PLG: variants seen among roughly 807,000 people sequenced by gnomAD.
PLG encodes plasminogen.
In PLG, 41 loss-of-function variants were observed where a neutral mutation model predicts 104.4. That is an observed-to-expected ratio of 0.39 (90% CI 0.31 to 0.51). The LOEUF (loss-of-function observed/expected upper bound fraction) is 0.51, where lower values mean the gene tolerates loss of function less well. Among genes scored for constraint, PLG ranks in the 20% least tolerant of loss-of-function variants. The pLI is 0.76. For synonymous variants in PLG, 337 were observed against 357.1 expected (o/e 0.94, Z 0.63); for missense variants, 891 against 1,003.6 (o/e 0.89, Z 1.52).
In PLG at chr6:160,736,556, T is replaced by G. The variant is rs1280174560; in HGVS notation, c.1682-331T>G. Among the ~76,000 whole-genome samples, 2 of 152,224 alleles carry G rather than the reference T, an allele frequency of 1.3e-5. No individual in the cohort carries two copies. The highest frequency in any genetic ancestry group is 4.8e-5 in the African/African-American group (2 of 41,470). On this transcript the variant is annotated intron_variant, in intron 13 of 18. Coordinates refer to ENST00000308192, the MANE Select transcript of PLG (RefSeq NM_000301.5). This position sits in a 1 kb window ranked among gnomAD's most constrained non-coding sequence, Gnocchi z 5.2. ...GGCATCATGTTCTAAACATACTGCA[T>G]GGAGTCAGAATAACAATGACAAATA...
chr6:160,721,830 G>C (rs1418404275), intron 9 of PLG, among the ~76,000 whole-genome samples: 1 of 152,148 alleles, frequency 6.6e-6, no homozygotes, highest in Non-Finnish European at 1.5e-5. Context: ...GTAGGCTTCT[G>C]CTTCATTGCA....
intron 17 of PLG, among the ~76,000 whole-genome samples, chr6:160,751,154 G>A (rs755150436): frequency 1.3e-5 from 2 of 152,176 alleles, no homozygotes; most frequent in African/African-American, 4.8e-5. Context: ...ATTTGGCAAC[G>A]TTATTGGGAG....
chr6:160,717,077 A>G (rs773905631), intron 7 of PLG, among the ~76,000 whole-genome samples: 15 of 152,158 alleles, frequency 9.9e-5, no homozygotes, highest in Admixed American at 6.5e-4. Flanking sequence ...AATCAGACCC[A>G]TGCTCTCTGA....
chr6:160,726,321 A>C lies in PLG; in HGVS notation c.1256+3754A>C, dbSNP rs1354507927. Among the ~76,000 whole-genome samples the C allele has an allele frequency of 1.3e-5, 2 of 152,078 alleles. No homozygotes were observed. The highest frequency in any genetic ancestry group is 1.5e-5 in the Non-Finnish European group (1 of 67,940). On this transcript the variant is annotated intron_variant, in intron 10 of 18. Coordinates refer to ENST00000308192, the MANE Select transcript of PLG (RefSeq NM_000301.5). This position sits in a 1 kb window ranked among gnomAD's most constrained non-coding sequence, Gnocchi z 4.4. ...AAATTATCAAATATCTGAAAATGAA[A>C]CAACACATTTCCAAATACTTCATAA...
intron 10 of PLG, 133 bp from the exon 11 acceptor site, chr6:160,730,914 TACAA>T: frequency 1.2e-6 from 1 of 813,796 alleles, no homozygotes; most frequent in African/African-American, 1.7e-5. Context: ...TTTTGTTTGT[TACAA>T]CATTATTGTA....
rs772753312 is a variant in PLG, at chr6:160,738,651, A to C, written c.1877+39A>C. 6.1e-6 allele frequency: 8 copies of C among 1,307,316 alleles called. No individual in the cohort carries two copies. The highest frequency in any genetic ancestry group is 7.8e-6 in the Non-Finnish European group (7 of 899,814). 81.0% of individuals were successfully genotyped at this position (1,307,316 alleles called of 1,614,324 possible). On this transcript the variant is annotated intron_variant, in intron 15 of 18. Coordinates refer to ENST00000308192, the MANE Select transcript of PLG (RefSeq NM_000301.5). The surrounding 1 kb of genome is among the most constrained non-coding windows in gnomAD (Gnocchi z 6.8). ...ACAATTGACATGAAGTCTTGTCTTAAATACTTTTTCTGTCCTTCTTTTCCT... is the reference window on the plus strand; with the variant it reads ...ACAATTGACATGAAGTCTTGTCTTACATACTTTTTCTGTCCTTCTTTTCCT...
rs1038592691 is a variant in PLG, at chr6:160,719,356, T to G, written c.1096+518T>G. Among the ~76,000 whole-genome samples the G allele has an allele frequency of 2.0e-5, 3 of 152,222 alleles. No individual in the cohort carries two copies. The highest frequency in any genetic ancestry group is 7.2e-5 in the African/African-American group (3 of 41,454). ...GTTTCTTCTTATCTCTGGGAATATTTCTTCTTCTGAAGTTCTGAACTCTCT... is the reference window on the plus strand; with the variant it reads ...GTTTCTTCTTATCTCTGGGAATATTGCTTCTTCTGAAGTTCTGAACTCTCT... On this transcript the variant is annotated intron_variant, in intron 9 of 18. Coordinates refer to ENST00000308192, the MANE Select transcript of PLG (RefSeq NM_000301.5). The surrounding 1 kb of genome is among the most constrained non-coding windows in gnomAD (Gnocchi z 4.1).
Position 160,735,969 on chromosome 6 carries a change from T to C in PLG, c.1682-918T>C, listed in dbSNP as rs1239345439. 6.6e-6 allele frequency among the ~76,000 whole-genome samples: 1 copy of C among 152,224 alleles called. No individual in the cohort carries two copies. Among genetic ancestry groups the C allele is most frequent in the East Asian group, 1.9e-4 (1 of 5,194 alleles). On this transcript the variant is annotated intron_variant, in intron 13 of 18. Coordinates refer to ENST00000308192, the MANE Select transcript of PLG (RefSeq NM_000301.5). This position sits in a 1 kb window ranked among gnomAD's most constrained non-coding sequence, Gnocchi z 5.4. ...TGTAAAGTTATTTGGAAAACCCAGG[T>C]TCCAGATTCACTAGAGCATAGAATC...
chr6:160,741,262 C>T lies in PLG; in HGVS notation c.2019-49C>T. 1.6e-6 allele frequency: 2 copies of T among 1,265,810 alleles called. No homozygotes were observed. Among genetic ancestry groups the T allele is most frequent in the Non-Finnish European group, 2.3e-6 (2 of 862,732 alleles). 78.4% of individuals were successfully genotyped at this position (1,265,810 alleles called of 1,614,324 possible). A position where few individuals can be genotyped will look rare whatever the true frequency, so the allele number is the denominator to read the frequency against. ...CAGGGATGACTGGTTGTGGGTACTG[C>T]AGCTGCGAGCAGAGCAGTCAAACAT... On this transcript the variant is annotated intron_variant, in intron 16 of 18. Transcript: ENST00000308192. The surrounding 1 kb of genome is among the most constrained non-coding windows in gnomAD (Gnocchi z 4.7).
chr6:160,715,022 G>C (rs887951552), intron 6 of PLG, 108 bp downstream of exon 6: 1 of 1,136,926 alleles, frequency 8.8e-7, no homozygotes, highest in Admixed American at 1.9e-5. Flanking sequence ...GTGAACGCCT[G>C]ATGTTTTTAA....
At chr6:160,729,240 G>A (rs1212321187) in intron 10 of PLG, among the ~76,000 whole-genome samples, 17 of 152,188 alleles carry the variant, frequency 1.1e-4, no homozygotes, top group Admixed American at 1.1e-3. Context: ...TCATTAAGAA[G>A]ACACAACAAT....
In PLG at chr6:160,741,374, T is replaced by C. The variant is rs4252170; in HGVS notation, c.2082T>C (p.Ala694=). 0.077 allele frequency: 124,238 copies of C among 1,612,254 alleles called. 5,221 individuals carry two copies. The highest frequency in any genetic ancestry group is 0.11 in the East Asian group (4,987 of 44,858). The change falls in exon 17 of 19, where the codon GCT becomes GCC. Residue 694 remains alanine (A), a synonymous_variant. Coordinates refer to ENST00000308192, the MANE Select transcript of PLG (RefSeq NM_000301.5). The surrounding 1 kb of genome is among the most constrained non-coding windows in gnomAD (Gnocchi z 4.7). ...ACLPSPNYVV[A]DRTECFITGW... Reference sequence around the variant, plus strand: ...TGCCATCCCCAAATTATGTGGTCGCTGACCGGACCGAATGTTTCATCACTG... The same window carrying C: ...TGCCATCCCCAAATTATGTGGTCGCCGACCGGACCGAATGTTTCATCACTG...
At chr6:160,718,250 C>CA (rs1777774325) in intron 7 of PLG, 44 bp from the exon 8 acceptor site, 3 of 1,567,480 alleles carry the variant, frequency 1.9e-6, no homozygotes, top group East Asian at 2.2e-5. Context: ...GACTCCGTCT[C>CA]AAAAAATATA....
chr6:160,714,452 T>C (rs951826724), intron 5 of PLG, among the ~76,000 whole-genome samples: 2 of 147,892 alleles, frequency 1.4e-5, no homozygotes, highest in African/African-American at 4.9e-5. Context: ...GAACGTAGAC[T>C]CCTGGGAATA....
rs1035270613 is a variant in PLG at position 160,737,445 on chromosome 6, T to A, written c.1802+438T>A. ...TATCACAGGCACAGATTCTTTTTCT[T>A]TGGACACTTTCGTGAATCATTGAAT... On this transcript the variant is annotated intron_variant, in intron 14 of 18. Coordinates refer to ENST00000308192, the MANE Select transcript of PLG (RefSeq NM_000301.5). This position sits in a 1 kb window ranked among gnomAD's most constrained non-coding sequence, Gnocchi z 4.7. 7.9e-5 allele frequency among the ~76,000 whole-genome samples: 12 copies of A among 152,202 alleles called. No homozygotes were observed. The highest frequency in any genetic ancestry group is 2.9e-4 in the African/African-American group (12 of 41,464).
intron 6 of PLG, among the ~76,000 whole-genome samples, chr6:160,715,198 G>A (rs957870228): frequency 6.6e-6 from 1 of 152,188 alleles, no homozygotes; most frequent in Non-Finnish European, 1.5e-5. Context: ...ATCCTCAGCT[G>A]ATGTGCACAC....
At position 160,739,245 on chromosome 6, in the gene PLG, G is replaced by A. The variant is rs1778144203; in HGVS notation, c.2018+37G>A. ...CCTGTGGTCTTCACCCCACGCTGGT[G>A]AAGATATTTGCTTTATGTCTGGGTT... On this transcript the variant is annotated intron_variant, in intron 16 of 18. Coordinates refer to ENST00000308192, the MANE Select transcript of PLG (RefSeq NM_000301.5). This position sits in a 1 kb window ranked among gnomAD's most constrained non-coding sequence, Gnocchi z 4.4. 8 of 1,613,752 alleles carry A rather than the reference G, an allele frequency of 5.0e-6. No homozygotes were observed. The East Asian group carries it at 1.8e-4, about 36-fold the overall frequency.
Position 160,718,415 on chromosome 6 carries a change from C to G in PLG, c.909C>G (p.Thr303=). 6.2e-7 allele frequency: 1 copy of G among 1,613,602 alleles called. No individual in the cohort carries two copies. Among genetic ancestry groups the G allele is most frequent in the South Asian group, 1.1e-5 (1 of 91,072 alleles). The change falls in exon 8 of 19, where the codon ACC becomes ACG. Residue 303 remains threonine, a synonymous_variant. Transcript: ENST00000308192. ...GHTCQHWSAQ[T]PHTHNRTPEN... ...CCTGTCAGCACTGGAGTGCACAGAC[C>G]CCTCACACACATAACAGGACACCAG...
chr6:160,708,970 T>TAAAA, intron 3 of PLG, among the ~76,000 whole-genome samples: 1 of 147,984 alleles, frequency 6.8e-6, no homozygotes, highest in Admixed American at 6.8e-5. Flanking sequence ...TACCAGATTT[T>TAAAA]AAAAAAAAAA....
Sources: gnomAD v4.1 joint callset for allele counts (sites outside exome capture counted in the v4.1 genomes callset) on GRCh38, gnomAD v4.1.1 for gene constraint, Gnocchi (gnomAD v3.1) non-coding constraint, MANE v1.5 for transcripts, NCBI Gene and HGNC (gene_info 2026-07-23, HGNC 2026-07-21) for gene names.